The following CHST11 variants were observed in gnomAD, a reference collection of about 807,000 sequenced individuals.
CHST11 encodes C4S-1.
A neutral mutation model predicts 30.4 loss-of-function variants in CHST11; 9 were observed. The ratio of observed to expected loss-of-function variants is 0.30; its 90% CI spans 0.18 to 0.52. CHST11 has a LOEUF of 0.52. Ranked by LOEUF, CHST11 falls within the 20% of genes least tolerant of loss-of-function variation. The pLI is 0.97. For missense variants in CHST11, 348 were observed against 460.6 expected, an observed-to-expected ratio of 0.76 and a Z score of 2.24; for synonymous variants, 152 against 187.8, an observed-to-expected ratio of 0.81 and a Z score of 1.56.
intron 1 of CHST11, among the ~76,000 whole-genome samples, chr12:104,495,707 C>A (rs2037792554): frequency 6.6e-6 from 1 of 152,100 alleles, no homozygotes; most frequent in Admixed American, 6.5e-5. Context: ...GAAGAGGTTC[C>A]ATTTTTACCC....
chr12:104,595,905 A>G (rs1246612534), intron 1 of CHST11, among the ~76,000 whole-genome samples: 3 of 152,076 alleles, frequency 2.0e-5, no homozygotes, highest in African/African-American at 7.2e-5. Flanking sequence ...TGGGTGAGCA[A>G]CTCATCTTGG....
chr12:104,742,178 G>T (rs115093081), intron 2 of CHST11, among the ~76,000 whole-genome samples: 2 of 152,128 alleles, frequency 1.3e-5, no homozygotes, highest in African/African-American at 4.8e-5. Context: ...AGGAAACTAA[G>T]GCCTGAAGGG....
chr12:104,605,151 C>A (rs1289207898), intron 2 of CHST11, among the ~76,000 whole-genome samples: 1 of 62,158 alleles, frequency 1.6e-5, no homozygotes, highest in South Asian at 5.4e-4. Flanking sequence ...CATCCCCTCT[C>A]CAAAAAAAAA....
intron 1 of CHST11, among the ~76,000 whole-genome samples, chr12:104,535,825 G>A (rs1169438692): frequency 6.6e-6 from 1 of 152,200 alleles, no homozygotes; most frequent in Non-Finnish European, 1.5e-5. Context: ...ATTTATACAT[G>A]TATTTATGCA....
rs141124783 is a variant in CHST11 at position 104,724,880 on chromosome 12, G to A, written c.205-32069G>A. Among the ~76,000 whole-genome samples the A allele has an allele frequency of 5.6e-3, 850 of 152,202 alleles. 7 individuals are homozygous for A. The highest frequency in any genetic ancestry group is 0.019 in the African/African-American group (774 of 41,506). Reference sequence around the variant, plus strand: ...ATATGTATATCCCATGTGATATAGGGACATACTCATACTAAAATGATCTGC... The same window carrying A: ...ATATGTATATCCCATGTGATATAGGAACATACTCATACTAAAATGATCTGC... On this transcript the variant is annotated intron_variant, in intron 2 of 2. Coordinates refer to ENST00000303694, the MANE Select transcript of CHST11 (RefSeq NM_018413.6).
intron 2 of CHST11, among the ~76,000 whole-genome samples, chr12:104,739,773 C>G (rs1197423027): frequency 6.6e-6 from 1 of 152,250 alleles, no homozygotes. Flanking sequence ...GGTTTGTGCT[C>G]TCTCAGCTCC....
At position 104,612,928 on chromosome 12, in the gene CHST11, G is replaced by T. The variant is rs549458350; in HGVS notation, c.204+10937G>T. On this transcript the variant is annotated intron_variant, in intron 2 of 2. Transcript: ENST00000303694. ...GTTGCAGCATTGTTCACAACAGTAAGATACGGAATCAGGCTGGGCGCGGTG... is the reference window on the plus strand; with the variant it reads ...GTTGCAGCATTGTTCACAACAGTAATATACGGAATCAGGCTGGGCGCGGTG... Among the ~76,000 whole-genome samples, 9 of 152,326 alleles carry T rather than the reference G, an allele frequency of 5.9e-5. No individual in the cohort carries two copies. In the South Asian group the frequency reaches 1.2e-3, roughly 21 times the overall value.
rs556699738 is a variant in CHST11, at chr12:104,687,685, G to A, written c.205-69264G>A. ...GAGGTACTACGAGTTGAAATGAGAA[G>A]ATAGATGTCAAGGCCAGTTTAGCTC... On this transcript the variant is annotated intron_variant, in intron 2 of 2. Transcript: ENST00000303694. Among the ~76,000 whole-genome samples the A allele has an allele frequency of 2.0e-4, 31 of 152,178 alleles. 1 individual carries two copies. Among genetic ancestry groups the A allele is most frequent in the Non-Finnish European group, 4.0e-4 (27 of 68,038 alleles).
At chr12:104,747,915 C>A (rs2040401163) in intron 2 of CHST11, among the ~76,000 whole-genome samples, 1 of 152,140 alleles carries the variant, frequency 6.6e-6, no homozygotes, top group Admixed American at 6.6e-5. Flanking sequence ...GGGAAACCAG[C>A]TCTTCCTTTT....
At chr12:104,603,127 G>C (rs2038973011) in intron 2 of CHST11, among the ~76,000 whole-genome samples, 1 of 152,144 alleles carries the variant, frequency 6.6e-6, no homozygotes, top group South Asian at 2.1e-4. Flanking sequence ...TGGGGAATTT[G>C]ATAGTTGGGT....
chr12:104,582,419 T>C (rs1195232638), intron 1 of CHST11, among the ~76,000 whole-genome samples: 1 of 152,198 alleles, frequency 6.6e-6, no homozygotes, highest in Non-Finnish European at 1.5e-5. Flanking sequence ...AAGACTTTGA[T>C]GTCAGCATTT....
chr12:104,679,647 C>T (rs1050390064), intron 2 of CHST11, among the ~76,000 whole-genome samples: 11 of 152,160 alleles, frequency 7.2e-5, no homozygotes, highest in Admixed American at 1.3e-4. Context: ...ATACTGGGGC[C>T]GCCGAGCCCC....
rs980997605 is a variant in CHST11 at position 104,665,608 on chromosome 12, G to T, written c.204+63617G>T. Among the ~76,000 whole-genome samples, 3 of 151,998 alleles carry T rather than the reference G, an allele frequency of 2.0e-5. No homozygotes were observed. The South Asian group carries it at 6.2e-4, about 32-fold the overall frequency. ...CCTAAAGTGCTTTGCACAGCATCGG[G>T]TACATCATGTTCAATAAATGTAAGT... is the stretch of plus-strand genomic sequence containing the variant. On this transcript the variant is annotated intron_variant, in intron 2 of 2. Transcript: ENST00000303694.
chr12:104,719,173 C>T lies in CHST11; in HGVS notation c.205-37776C>T, dbSNP rs1341404574. Among the ~76,000 whole-genome samples, 3 of 152,186 alleles carry T rather than the reference C, an allele frequency of 2.0e-5. 1 individual carries two copies. Among genetic ancestry groups the T allele is most frequent in the African/African-American group, 7.2e-5 (3 of 41,436 alleles). On this transcript the variant is annotated intron_variant, in intron 2 of 2. Coordinates refer to ENST00000303694, the MANE Select transcript of CHST11 (RefSeq NM_018413.6). ...CAGAATGGTGACGCCCGGAAGCAGA[C>T]ACTCCGCAACGTACTGTCTTCTAGG...
chr12:104,575,195 A>C (rs2038671895), intron 1 of CHST11, among the ~76,000 whole-genome samples: 1 of 151,516 alleles, frequency 6.6e-6, no homozygotes, highest in East Asian at 1.9e-4. Flanking sequence ...CCTGTCTCAA[A>C]AAAAAAAAAA....
At chr12:104,589,400 C>CA (rs35359633) in intron 1 of CHST11, among the ~76,000 whole-genome samples, 1,675 of 124,344 alleles carry the variant, frequency 0.013, 18 homozygotes, top group African/African-American at 0.025. Context: ...GATCTTGTCT[C>CA]AAAAAAAAAA....
chr12:104,617,177 G>C (rs981270508), intron 2 of CHST11, among the ~76,000 whole-genome samples: 1 of 152,188 alleles, frequency 6.6e-6, no homozygotes, highest in African/African-American at 2.4e-5. Context: ...GGTCACCGCA[G>C]TACCTGTAAA....
chr12:104,649,421 T>C (rs2039470587), intron 2 of CHST11, among the ~76,000 whole-genome samples: 1 of 152,226 alleles, frequency 6.6e-6, no homozygotes, highest in South Asian at 2.1e-4. Context: ...TAGGCACATG[T>C]TATTATGAGT....
intron 1 of CHST11, among the ~76,000 whole-genome samples, chr12:104,492,253 C>T (rs139797643): frequency 1.9e-4 from 29 of 152,304 alleles, no homozygotes; most frequent in Middle Eastern, 3.4e-3. Context: ...CCCACCACTA[C>T]ACCCAGCTAA....
Sources: gnomAD v4.1 joint callset for allele counts (sites outside exome capture counted in the v4.1 genomes callset) on GRCh38, gnomAD v4.1.1 for gene constraint, MANE v1.5 for transcripts, NCBI Gene and HGNC (gene_info 2026-07-23, HGNC 2026-07-21) for gene names.